The following SBK2 variants were observed in gnomAD, a reference collection of about 807,000 sequenced individuals.
SBK2 encodes the protein SH3 domain binding kinase family member 2.
SBK2 carries 18 observed loss-of-function variants against 15.9 expected under a neutral mutation model. The observed-to-expected ratio is 1.13, with a 90% CI of 0.78 to 1.68. The LOEUF is 1.68. Ranked by LOEUF, SBK2 falls within the 40% of genes most tolerant of loss-of-function variation. The pLI is 0.00. For missense variants in SBK2, 581 were observed against 510.9 expected, an observed-to-expected ratio of 1.14 and a Z score of -1.32; for synonymous variants, 284 against 246.8, an observed-to-expected ratio of 1.15 and a Z score of -1.41.
chr19:55,536,412 C>T (rs1328784521), intron 1 of SBK2, 116 bp from the exon 2 acceptor site: 1 of 740,842 alleles, frequency 1.3e-6, no homozygotes, highest in African/African-American at 3.6e-5. Context: ...TCGCGCTTCT[C>T]ATTGTGACTC....
Position 55,536,053 on chromosome 19 carries a change from T to C in SBK2, c.242A>G (p.His81Arg), listed in dbSNP as rs2123482185. Residue 81 changes from histidine to arginine, a missense_variant, in exon 2 of 4, where the codon CAT becomes CGT. His to Arg is a conservative substitution (Grantham distance 29). Coordinates refer to ENST00000413299, the MANE Select transcript of SBK2 (RefSeq NM_001370096.2). ...CCACAGCCTCGTACCTTTCTGACGA[T>C]GGGTGACCAGAAGGACGCGGCCATA... ...GCYGRVLLVT[H>R]RQKGTPLALK... The C allele has an allele frequency of 6.8e-7, 1 of 1,479,120 alleles. No individual in the cohort carries two copies. 91.6% of individuals were successfully genotyped at this position (1,479,120 alleles called of 1,614,324 possible).
rs1438223677 is a variant in SBK2 at position 55,530,092 on chromosome 19, C to T, written c.688G>A (p.Ala230Thr). The T allele has an allele frequency of 2.1e-6, 3 of 1,442,484 alleles. No homozygotes were observed. The highest frequency in any genetic ancestry group is 5.5e-5 in the Admixed American group (2 of 36,238). 89.4% of individuals were successfully genotyped at this position (1,442,484 alleles called of 1,614,324 possible). Residue 230 changes from alanine to threonine, a missense_variant, in exon 4 of 4, where the codon GCG becomes ACG. By Grantham distance (58) the Ala-to-Thr change is moderately conservative. Transcript: ENST00000413299. Reference protein sequence around the residue: ...PIPYTAPELCAPPPLPEGLPI... With the variant: ...PIPYTAPELCTPPPLPEGLPI... ...AGGCCCTCGGGGAGCGGCGGGGGCG[C>T]GCAGAGCTCGGGGGCCGTGTAGGGG...
chr19:55,536,894 C>T (rs958979488), intron 1 of SBK2, among the ~76,000 whole-genome samples, 160 bp downstream of exon 1: 3 of 151,670 alleles, frequency 2.0e-5, no homozygotes, highest in Admixed American at 1.3e-4. Flanking sequence ...GATTCTGTTT[C>T]CCTCACCCTC....
At chr19:55,533,190 G>A (rs946926469) in intron 2 of SBK2, among the ~76,000 whole-genome samples, 1 of 151,932 alleles carries the variant, frequency 6.6e-6, no homozygotes, top group Non-Finnish European at 1.5e-5. Flanking sequence ...AAATTAGCCG[G>A]TGTGGTTGCA....
In SBK2 at chr19:55,531,295, C is replaced by T. The variant is rs1568491628; in HGVS notation, c.304G>A (p.Gly102Ser). Residue 102 changes from glycine (G) to serine (S), a missense_variant, in exon 3 of 4, where the codon GGC becomes AGC. Transcript: ENST00000413299. ...QLPKPRTSLRGFLYEFCVGLS... is the reference protein window; with the variant it reads ...QLPKPRTSLRSFLYEFCVGLS... Reference sequence around the variant, plus strand: ...CCCACACAGAACTCGTACAGGAAGCCACGGAGGGACGTGCGGGGTTTCGGG... The same window carrying T: ...CCCACACAGAACTCGTACAGGAAGCTACGGAGGGACGTGCGGGGTTTCGGG... 1.2e-6 allele frequency: 2 copies of T among 1,613,376 alleles called. No homozygotes were observed. The highest frequency in any genetic ancestry group is 1.7e-6 in the Non-Finnish European group (2 of 1,179,740).
In SBK2 at chr19:55,531,362, A is replaced by C; in HGVS notation, c.254-17T>G. 1.9e-6 allele frequency: 3 copies of C among 1,579,978 alleles called. No homozygotes were observed. Among genetic ancestry groups the C allele is most frequent in the Non-Finnish European group, 2.6e-6 (3 of 1,162,996 alleles). ...GGGGTGTGCCTGGGGCAGCAGGGAC[A>C]GGTATGGGAGGCGTGCAGCAGCCAA... On this transcript the variant is annotated splice_polypyrimidine_tract_variant and intron_variant, in intron 2 of 3. Transcript: ENST00000413299.
chr19:55,532,469 A>C (rs1300205689), intron 2 of SBK2, among the ~76,000 whole-genome samples: 1 of 149,198 alleles, frequency 6.7e-6, no homozygotes, highest in Non-Finnish European at 1.5e-5. Context: ...TACCTAGCTA[A>C]TTTTTGTATT....
chr19:55,535,318 C>T (rs1048428547), intron 2 of SBK2, among the ~76,000 whole-genome samples: 3 of 152,148 alleles, frequency 2.0e-5, no homozygotes, highest in Non-Finnish European at 2.9e-5. Context: ...GGGGAGCTGT[C>T]CTGCGCACCC....
In SBK2 at chr19:55,529,875, G is replaced by A. The variant is rs574615556; in HGVS notation, c.905C>T (p.Ala302Val). The A allele has an allele frequency of 1.9e-6, 3 of 1,592,904 alleles. No homozygotes were observed. The highest frequency in any genetic ancestry group is 1.3e-5 in the African/African-American group (1 of 74,262). Residue 302 changes from alanine to valine, a missense_variant, in exon 4 of 4, where the codon GCG (alanine) becomes GTG (valine). Coordinates refer to ENST00000413299, the MANE Select transcript of SBK2 (RefSeq NM_001370096.2). ...PWFGLAAAAD[A>V]LLRGLLDPHP... is the part of the protein sequence containing the mutation. Reference sequence around the variant, plus strand: ...AGGGTCCAGCAGCCCCCGCAGAAGCGCGTCGGCCGCGGCGGCCAGGCCGAA... The same window carrying A: ...AGGGTCCAGCAGCCCCCGCAGAAGCACGTCGGCCGCGGCGGCCAGGCCGAA...
rs760724693 is a variant in SBK2 at position 55,531,189 on chromosome 19, G to C, written c.410C>G (p.Thr137Arg). ...IESAHSYSFLTEPVLHGDLMA... is the reference protein window; with the variant it reads ...IESAHSYSFLREPVLHGDLMA... The stretch of plus-strand genomic sequence containing the variant: ...GAGGTCCCCGTGCAGGACGGGCTCC[G>C]TCAGGAAGCTGTAGGAGTGTGCCGA... The change falls in exon 3 of 4, where the codon ACG becomes AGG. Residue 137 changes from threonine (T) to arginine (R), a missense_variant. By Grantham distance (71) the Thr-to-Arg change is moderately conservative (BLOSUM62 -1). Transcript: ENST00000413299. 6.2e-7 allele frequency: 1 copy of C among 1,613,048 alleles called. No individual in the cohort carries two copies. Among genetic ancestry groups the C allele is most frequent in the Non-Finnish European group, 8.5e-7 (1 of 1,179,978 alleles).
Position 55,530,052 on chromosome 19 carries a change from G to T in SBK2, c.728C>A (p.Ala243Asp). Residue 243 changes from alanine to aspartate, a missense_variant, in exon 4 of 4, where the codon GCC becomes GAC. Transcript: ENST00000413299. ...GACGCCCAGCGCCCAGGCGTCCAGGGCGGGCTGAATGGGCAGGCCCTCGGG... is the reference window on the plus strand; with the variant it reads ...GACGCCCAGCGCCCAGGCGTCCAGGTCGGGCTGAATGGGCAGGCCCTCGGG... ...PLPEGLPIQPALDAWALGVLL... is the reference protein window; with the variant it reads ...PLPEGLPIQPDLDAWALGVLL... 1 of 1,469,252 alleles carries T rather than the reference G, an allele frequency of 6.8e-7. No individual in the cohort carries two copies. 91.0% of individuals were successfully genotyped at this position (1,469,252 alleles called of 1,614,324 possible). A position where few individuals can be genotyped will look rare whatever the true frequency, so the allele number is the denominator to read the frequency against.
rs752351044 is a variant in SBK2, at chr19:55,536,252, C to G, written c.43G>C (p.Ala15Pro). 1.9e-6 allele frequency: 3 copies of G among 1,592,552 alleles called. No homozygotes were observed. The highest frequency in any genetic ancestry group is 3.5e-5 in the Admixed American group (2 of 57,108). ...CCCTCCTCCTCGCTGTCCTCCGAAGCCCCTGCCTCCGCCGGCCCTTCCTCA... is the reference window on the plus strand; with the variant it reads ...CCCTCCTCCTCGCTGTCCTCCGAAGGCCCTGCCTCCGCCGGCCCTTCCTCA... Reference protein sequence around the residue: ...QSEEGPAEAGASEDSEEEGLG... With the variant: ...QSEEGPAEAGPSEDSEEEGLG... Residue 15 changes from alanine to proline, a missense_variant, in exon 2 of 4, where the codon GCT becomes CCT. By Grantham distance (27) the Ala-to-Pro change is conservative. Coordinates refer to ENST00000413299, the MANE Select transcript of SBK2 (RefSeq NM_001370096.2).
In SBK2 at chr19:55,529,862, C is replaced by T. The variant is rs756975961; in HGVS notation, c.918G>A (p.Gly306=). 1.1e-5 allele frequency: 17 copies of T among 1,600,190 alleles called. No individual in the cohort carries two copies. In the African/African-American group the frequency reaches 1.9e-4, roughly 18 times the overall value. ...LAAAADALLR[G]LLDPHPRRRS... ...TCCTTCGGGGGTGAGGGTCCAGCAG[C>T]CCCCGCAGAAGCGCGTCGGCCGCGG... Residue 306 remains glycine (G), a synonymous_variant, in exon 4 of 4, where the codon GGG becomes GGA. Coordinates refer to ENST00000413299, the MANE Select transcript of SBK2 (RefSeq NM_001370096.2).
chr19:55,529,847 G>A lies in SBK2; in HGVS notation c.933C>T (p.His311=), dbSNP rs182012956. ...CGATCACAGCGCTCCTCCTTCGGGG[G>A]TGAGGGTCCAGCAGCCCCCGCAGAA... ...DALLRGLLDP[H]PRRRSAVIAI... is the part of the protein sequence containing the mutation. Residue 311 remains histidine (H), a synonymous_variant, in exon 4 of 4, where the codon CAC becomes CAT. Transcript: ENST00000413299. 6.8e-4 allele frequency: 1,090 copies of A among 1,603,758 alleles called. 7 individuals carry two copies. In the African/African-American group the frequency reaches 0.012, roughly 18 times the overall value.
In SBK2 at chr19:55,530,336, G is replaced by C. The variant is rs1373125466; in HGVS notation, c.457-13C>G. ...GCGGGAGGCCCACCTGCGGGGAGAGGGGTCAGGGCCCAGTGCCCCGGGGCC... is the reference window on the plus strand; with the variant it reads ...GCGGGAGGCCCACCTGCGGGGAGAGCGGTCAGGGCCCAGTGCCCCGGGGCC... On this transcript the variant is annotated splice_polypyrimidine_tract_variant and intron_variant, in intron 3 of 3. Coordinates refer to ENST00000413299, the MANE Select transcript of SBK2 (RefSeq NM_001370096.2). 1 of 1,396,000 alleles carries C rather than the reference G, an allele frequency of 7.2e-7. No individual in the cohort carries two copies. The highest frequency in any genetic ancestry group is 9.3e-7 in the Non-Finnish European group (1 of 1,078,752). 86.5% of individuals were successfully genotyped at this position (1,396,000 alleles called of 1,614,324 possible).
chr19:55,533,658 T>C (rs1988326858), intron 2 of SBK2, among the ~76,000 whole-genome samples: 1 of 4,838 alleles, frequency 2.1e-4, no homozygotes, highest in Non-Finnish European at 3.0e-4. Flanking sequence ...AGACTCCGTC[T>C]CAAAAAAAAA....
rs1040920700 is a variant in SBK2 at position 55,531,237 on chromosome 19, G to A, written c.362C>T (p.Thr121Met). The part of the protein sequence containing the change: ...LSLGAHSAIV[T>M]AYGIGIESAH... ...CGACTCGATGCCAATGCCGTAGGCC[G>A]TCACGATGGCTGAGTGCGCGCCCAG... The change falls in exon 3 of 4, where the codon ACG becomes ATG. Residue 121 changes from threonine to methionine, a missense_variant. Physicochemically the swap from Thr to Met is moderately conservative, Grantham distance 81. Transcript: ENST00000413299. 3.1e-6 allele frequency: 5 copies of A among 1,613,536 alleles called. No homozygotes were observed. In the African/African-American group the frequency reaches 4.0e-5, roughly 13 times the overall value.
chr19:55,532,524 A>C (rs1173125626), intron 2 of SBK2, among the ~76,000 whole-genome samples: 2 of 151,094 alleles, frequency 1.3e-5, no homozygotes, highest in East Asian at 2.0e-4. Context: ...GCTAGTCTTG[A>C]ACTCCTGGCC....
At chr19:55,530,720 CTGTGAGG>C (rs2123475861) in intron 3 of SBK2, among the ~76,000 whole-genome samples, 1 of 14,088 alleles carries the variant, frequency 7.1e-5, no homozygotes, top group African/African-American at 1.3e-4. Flanking sequence ...CTAGTGTGAC[CTGTGAGG>C]CCTGTGGGTT....
Sources: allele counts gnomAD v4.1 joint callset (sites outside exome capture counted in the v4.1 genomes callset), GRCh38; gene constraint gnomAD v4.1.1; transcripts MANE v1.5; gene names NCBI Gene and HGNC (gene_info 2026-07-23, HGNC 2026-07-21).